Variants in ITGA10 observed in about 807,000 individuals in gnomAD.
ITGA10 encodes the protein integrin alpha-10.
In ITGA10, 105 loss-of-function variants were observed where a neutral mutation model predicts 145.2. The ratio of observed to expected loss-of-function variants is 0.72; its 90% CI spans 0.62 to 0.85. ITGA10 has a LOEUF of 0.85. Among genes scored for constraint, ITGA10 ranks in the 40% least tolerant of loss-of-function variants. The pLI is 0.00. For synonymous variants in ITGA10, 506 were observed against 557.8 expected (o/e 0.91, Z 1.31); for missense variants, 1,317 against 1,444.5 (o/e 0.91, Z 1.43).
At chr1:145,902,345 A>G in intron 9 of ITGA10, 26 bp from the exon 10 acceptor site, 1 of 1,612,954 alleles carries the variant, frequency 6.2e-7, no homozygotes, top group Non-Finnish European at 8.5e-7. Context: ...ACATTGAGAC[A>G]ATATCAGGGG....
Position 145,902,229 on chromosome 1 carries a change from G to A in ITGA10, c.1149+17C>T. 1.2e-6 allele frequency: 2 copies of A among 1,612,490 alleles called. No individual in the cohort carries two copies. The highest frequency in any genetic ancestry group is 1.7e-6 in the Non-Finnish European group (2 of 1,178,578). ...TCAGAGAATGGGAGAAGTAATGAAG[G>A]GGTCAATCTGTCCAACCTTTAGCCG... is the stretch of plus-strand genomic sequence containing the variant. On this transcript the variant is annotated intron_variant, in intron 10 of 29. Transcript: ENST00000369304.
chr1:145,904,047 C>G lies in ITGA10; in HGVS notation c.758+5G>C. The G allele has an allele frequency of 6.2e-7, 1 of 1,613,834 alleles. No homozygotes were observed. Among genetic ancestry groups the G allele is most frequent in the South Asian group, 1.1e-5 (1 of 91,068 alleles). On this transcript the variant is annotated splice_donor_5th_base_variant and intron_variant, in intron 7 of 29. Transcript: ENST00000369304. ...CCTCCCACACCTGTCTTCCCAATGCCTCACCAGGCCACCATTATTGCTTGG... is the reference window on the plus strand; with the variant it reads ...CCTCCCACACCTGTCTTCCCAATGCGTCACCAGGCCACCATTATTGCTTGG...
intron 10 of ITGA10, 71 bp from the exon 11 acceptor site, chr1:145,902,092 G>A: frequency 6.3e-7 from 1 of 1,599,404 alleles, no homozygotes. Context: ...CGTTCCAGGA[G>A]TGAAAAGATC....
rs782208100 is a variant in ITGA10, at chr1:145,910,020, A to T, written c.-6T>A. 1 of 1,612,476 alleles carries T rather than the reference A, an allele frequency of 6.2e-7. No homozygotes were observed. Among genetic ancestry groups the T allele is most frequent in the South Asian group, 1.1e-5 (1 of 91,052 alleles). ...GTGACGAAGGGGAGTTCCATGCCTG[A>T]TCGGTTTCTGTCCAGTATGAGAAGT... is the stretch of plus-strand genomic sequence containing the variant. On this transcript the variant is annotated 5_prime_UTR_variant, in exon 1 of 30. Transcript: ENST00000369304.
In ITGA10 at chr1:145,906,442, C is replaced by G. The variant is rs781977459; in HGVS notation, c.433G>C (p.Val145Leu). Reference protein sequence around the residue: ...SVFSSGICARVDASFQPQGSL... With the variant: ...SVFSSGICARLDASFQPQGSL... ...CCCTGAGGCTGGAATGAAGCATCCACACGGGCACATATCCCAGAACTGAAG... is the reference window on the plus strand; with the variant it reads ...CCCTGAGGCTGGAATGAAGCATCCAGACGGGCACATATCCCAGAACTGAAG... Residue 145 changes from valine (V) to leucine (L), a missense_variant, in exon 5 of 30, where the codon GTG (valine) becomes CTG (leucine). Transcript: ENST00000369304. 8.7e-6 allele frequency: 14 copies of G among 1,614,128 alleles called. No homozygotes were observed. Among genetic ancestry groups the G allele is most frequent in the Non-Finnish European group, 1.0e-5 (12 of 1,180,036 alleles).
rs1656293348 is a variant in ITGA10 at position 145,901,367 on chromosome 1, T to C, written c.1444-89A>G. On this transcript the variant is annotated intron_variant, in intron 12 of 29. Coordinates refer to ENST00000369304, the MANE Select transcript of ITGA10 (RefSeq NM_003637.5). The surrounding 1 kb of genome is among the most constrained non-coding windows in gnomAD (Gnocchi z 4.3). ...CAGTGGGAAGCACTCACCAGCCTGC[T>C]AGTCTGCTCCTTACATCCCTGACAG... 3 of 1,538,312 alleles carry C rather than the reference T, an allele frequency of 2.0e-6. No individual in the cohort carries two copies. Among genetic ancestry groups the C allele is most frequent in the African/African-American group, 2.7e-5 (2 of 73,508 alleles).
chr1:145,896,730 G>A (rs1655461134), intron 23 of ITGA10, 39 bp downstream of exon 23: 1 of 1,505,026 alleles, frequency 6.6e-7, no homozygotes, highest in Non-Finnish European at 9.3e-7. Flanking sequence ...GTATGAGTCT[G>A]AGGTCAGAAC....
Position 145,895,402 on chromosome 1 carries a change from A to C in ITGA10, c.3115-9T>G. 1 of 1,590,432 alleles carries C rather than the reference A, an allele frequency of 6.3e-7. No homozygotes were observed. The highest frequency in any genetic ancestry group is 8.6e-7 in the Non-Finnish European group (1 of 1,158,970). On this transcript the variant is annotated splice_polypyrimidine_tract_variant and intron_variant, in intron 26 of 29. Transcript: ENST00000369304. The stretch of plus-strand genomic sequence containing the variant: ...TGAGTATTGCTCCCATTCTAACAGA[A>C]GAGACAGAGAGAGACAGATCAGGAC...
At position 145,910,007 on chromosome 1, in the gene ITGA10, A is replaced by G. The variant is rs1553752695; in HGVS notation, c.8T>C (p.Leu3Pro). 1.9e-6 allele frequency: 3 copies of G among 1,612,964 alleles called. No homozygotes were observed. Among genetic ancestry groups the G allele is most frequent in the Non-Finnish European group, 2.5e-6 (3 of 1,179,220 alleles). ...CAAGAACAGGTGAGTGACGAAGGGGAGTTCCATGCCTGATCGGTTTCTGTC... is the reference window on the plus strand; with the variant it reads ...CAAGAACAGGTGAGTGACGAAGGGGGGTTCCATGCCTGATCGGTTTCTGTC... Reference protein sequence around the residue: MELPFVTHLFLPL... With the variant: MEPPFVTHLFLPL... Residue 3 changes from leucine to proline, a missense_variant, in exon 1 of 30, where the codon CTC becomes CCC. Physicochemically the swap from Leu to Pro is moderately conservative, Grantham distance 98. Transcript: ENST00000369304.
chr1:145,899,968 A>G, intron 15 of ITGA10, 89 bp downstream of exon 15: 1 of 1,405,204 alleles, frequency 7.1e-7, no homozygotes, highest in South Asian at 1.4e-5. Flanking sequence ...GTTGACCAAG[A>G]AAACCAAATC....
intron 16 of ITGA10, 22 bp downstream of exon 16, chr1:145,899,153 G>C (rs781929011): frequency 6.2e-7 from 1 of 1,614,212 alleles, no homozygotes; most frequent in South Asian, 1.1e-5. Flanking sequence ...AGAGTTGCCT[G>C]TGATGCATTT....
At chr1:145,909,889 T>C in intron 1 of ITGA10, 74 bp downstream of exon 1, 1 of 1,288,900 alleles carries the variant, frequency 7.8e-7, no homozygotes, top group South Asian at 1.2e-5. Flanking sequence ...GAATTTTAAC[T>C]ATAATGGTCC....
At chr1:145,894,412 G>T (rs587602728) in intron 27 of ITGA10, among the ~76,000 whole-genome samples, 3 of 152,136 alleles carry the variant, frequency 2.0e-5, no homozygotes, top group Non-Finnish European at 4.4e-5. Context: ...GCCCGGCCAT[G>T]TAGTGGTTTC....
chr1:145,901,890 A>G lies in ITGA10; in HGVS notation c.1281T>C (p.His427=). 2 of 1,614,078 alleles carry G rather than the reference A, an allele frequency of 1.2e-6. No individual in the cohort carries two copies. Among genetic ancestry groups the G allele is most frequent in the South Asian group, 1.1e-5 (1 of 91,078 alleles). The change falls in exon 11 of 30, where the codon CAT becomes CAC. Residue 427 remains histidine (H), a synonymous_variant. Coordinates refer to ENST00000369304, the MANE Select transcript of ITGA10 (RefSeq NM_003637.5). This position sits in a 1 kb window ranked among gnomAD's most constrained non-coding sequence, Gnocchi z 4.3. ...TCTGCTGCTCACCCAGGTAGGCTGC[A>G]TGGTTCTGCAATGCAGGGGGGAACT... is the stretch of plus-strand genomic sequence containing the variant. ...EDEFPPALQN[H]AAYLGYSVSS...
At position 145,910,033 on chromosome 1, in the gene ITGA10, C is replaced by A; in HGVS notation, c.-19G>T. 1 of 1,609,560 alleles carries A rather than the reference C, an allele frequency of 6.2e-7. No individual in the cohort carries two copies. The highest frequency in any genetic ancestry group is 1.1e-5 in the South Asian group (1 of 90,974). On this transcript the variant is annotated 5_prime_UTR_variant, in exon 1 of 30. Transcript: ENST00000369304. ...GTTCCATGCCTGATCGGTTTCTGTCCAGTATGAGAAGTCCTCTGGCCTCTG... is the reference window on the plus strand; with the variant it reads ...GTTCCATGCCTGATCGGTTTCTGTCAAGTATGAGAAGTCCTCTGGCCTCTG...
chr1:145,893,694 C>A, intron 27 of ITGA10, 59 bp from the exon 28 acceptor site: 1 of 1,337,544 alleles, frequency 7.5e-7, no homozygotes, highest in Non-Finnish European at 1.1e-6. Context: ...TGATATAGTT[C>A]TTTGGAATCC....
chr1:145,892,577 G>C lies in ITGA10; in HGVS notation c.*221C>G. The C allele has an allele frequency of 2.2e-6, 1 of 458,598 alleles. No homozygotes were observed. Among genetic ancestry groups the C allele is most frequent in the Non-Finnish European group, 3.9e-6 (1 of 258,792 alleles). The allele number at this position is 458,598 out of a possible 1,614,324, so 28.4% of individuals were successfully genotyped here. On this transcript the variant is annotated 3_prime_UTR_variant, in exon 30 of 30. Transcript: ENST00000369304. Reference sequence around the variant, plus strand: ...ATCACGAGGAGGAGGGAAGCAGAGGGTGGGAGCATGGCTAGTTTTGGTGCC... The same window carrying C: ...ATCACGAGGAGGAGGGAAGCAGAGGCTGGGAGCATGGCTAGTTTTGGTGCC...
In ITGA10 at chr1:145,901,276, A is replaced by T; in HGVS notation, c.1446T>A (p.Ile482=). 6.2e-7 allele frequency: 1 copy of T among 1,614,084 alleles called. No homozygotes were observed. The highest frequency in any genetic ancestry group is 8.5e-7 in the Non-Finnish European group (1 of 1,179,978). The change falls in exon 13 of 30, where the codon ATT becomes ATA. Residue 482 remains isoleucine (I), a splice_region_variant and synonymous_variant. Transcript: ENST00000369304. This position sits in a 1 kb window ranked among gnomAD's most constrained non-coding sequence, Gnocchi z 4.3. ...RVAQSLQGEQ[I]GSYFGSELCP... The stretch of plus-strand genomic sequence containing the variant: ...AGAGCTCACTGCCAAAGTATGAACC[A>T]ATCTGGGGAATGGTGGGTGATGATG...
chr1:145,895,873 G>C, intron 25 of ITGA10, 110 bp downstream of exon 25: 1 of 1,022,772 alleles, frequency 9.8e-7, no homozygotes, highest in Non-Finnish European at 1.5e-6. Context: ...CCAGAGAGAA[G>C]AGCCCCAAGA....
Sources: allele counts gnomAD v4.1 joint callset (sites outside exome capture counted in the v4.1 genomes callset), GRCh38; gene constraint gnomAD v4.1.1; non-coding constraint Gnocchi (gnomAD v3.1); transcripts MANE v1.5; gene names NCBI Gene and HGNC (gene_info 2026-07-23, HGNC 2026-07-21).